Variants in CEBPZOS observed in about 807,000 individuals in gnomAD.
The protein encoded by CEBPZOS is CEBPZ opposite strand.
A neutral mutation model predicts 4.8 loss-of-function variants in CEBPZOS; 10 were observed. The ratio of observed to expected loss-of-function variants is 2.07; its 90% CI spans 1.28 to 3.52. The LOEUF is 3.52. CEBPZOS is among the 30% of genes most tolerant of loss of function. The pLI is 0.00. For synonymous variants in CEBPZOS, 25 were observed against 14.2 expected, an observed-to-expected ratio of 1.77 and a Z score of -1.72; for missense variants, 98 against 43.6, an observed-to-expected ratio of 2.25 and a Z score of -3.51.
chr2:37,213,913 AT>A, downstream of CEBPZOS: 1 of 1,596,454 alleles, frequency 6.3e-7, no homozygotes, highest in Non-Finnish European at 8.5e-7. Flanking sequence ...TACTTTCTTC[AT>A]CTGCATCCCG....
intron 4 of CEBPZOS, chr2:37,212,049 AAC>A: frequency 6.4e-7 from 1 of 1,574,078 alleles, no homozygotes; most frequent in Non-Finnish European, 8.6e-7. Flanking sequence ...TCTGGAAAAA[AAC>A]ACAACTTGTA....
intron 4 of CEBPZOS, among the ~76,000 whole-genome samples, chr2:37,212,973 AGGCTGCAG>A (rs1165187783): frequency 1.3e-5 from 2 of 151,742 alleles, no homozygotes; most frequent in South Asian, 2.1e-4. Context: ...CAGAAGGTCT[AGGCTGCAG>A]GGCTGCAGTG....
At chr2:37,211,089 C>T in intron 4 of CEBPZOS, 1 of 1,597,162 alleles carries the variant, frequency 6.3e-7, no homozygotes. Flanking sequence ...AGTTCTGTTA[C>T]ACGAAAAAAT....
chr2:37,209,517 A>G (rs1172132286), downstream of CEBPZOS: 2 of 152,230 alleles, frequency 1.3e-5, no homozygotes, highest in Non-Finnish European at 2.9e-5. Flanking sequence ...GATCTTTGAC[A>G]AAGTAAACAA....
chr2:37,207,803 C>T (rs1181216300), downstream of CEBPZOS, among the ~76,000 whole-genome samples: 1 of 152,028 alleles, frequency 6.6e-6, no homozygotes, highest in Non-Finnish European at 1.5e-5. Flanking sequence ...TAACAAATAT[C>T]AGAGCAGAAC....
downstream of CEBPZOS, among the ~76,000 whole-genome samples, chr2:37,207,398 T>C (rs916632958): frequency 4.6e-5 from 7 of 152,194 alleles, no homozygotes; most frequent in African/African-American, 1.4e-4. Context: ...GACCATATGG[T>C]AGGCCACAAA....
chr2:37,196,570 C>G (rs1366238216), intron 1 of CEBPZOS, 50 bp downstream of exon 1: 1 of 152,508 alleles, frequency 6.6e-6, no homozygotes, highest in Non-Finnish European at 1.5e-5. Context: ...TTCGGGGTCC[C>G]TAGTGCGACG....
At chr2:37,208,806 GAGAA>G (rs1308854343), downstream of CEBPZOS, 1 of 152,002 alleles carries the variant, frequency 6.6e-6, no homozygotes, top group East Asian at 1.9e-4. Flanking sequence ...AACTGGACAA[GAGAA>G]AGAAAGGGCA....
In CEBPZOS at chr2:37,202,851, C is replaced by T. The variant is rs767949383; in HGVS notation, c.*991C>T. 6.2e-7 allele frequency: 1 copy of T among 1,600,886 alleles called. No individual in the cohort carries two copies. The highest frequency in any genetic ancestry group is 1.1e-5 in the South Asian group (1 of 88,274). The stretch of plus-strand genomic sequence containing the variant: ...CAAACTTGGATCCCATATTTTCATC[C>T]AATAGATGGCCAAACTTTTAAACAA... On this transcript the variant is annotated 3_prime_UTR_variant, in exon 5 of 5. Coordinates refer to ENST00000402297, the MANE Select transcript of CEBPZOS (RefSeq NM_001322374.2).
chr2:37,211,620 A>C (rs751763985), intron 4 of CEBPZOS: 15 of 464,610 alleles, frequency 3.2e-5, no homozygotes, highest in Non-Finnish European at 4.9e-5. Context: ...TGGTTAAAGT[A>C]AAAGTCCAAA....
Position 37,202,916 on chromosome 2 carries a change from T to C in CEBPZOS, c.*1056T>C. 1 of 1,594,066 alleles carries C rather than the reference T, an allele frequency of 6.3e-7. No homozygotes were observed. The highest frequency in any genetic ancestry group is 1.1e-5 in the South Asian group (1 of 88,036). The stretch of plus-strand genomic sequence containing the variant: ...TTAGAAAACTAAAAATAATGTAGAA[T>C]AGCTAGCTTGTTAAAACAGTACATT... On this transcript the variant is annotated 3_prime_UTR_variant, in exon 5 of 5. Coordinates refer to ENST00000402297, the MANE Select transcript of CEBPZOS (RefSeq NM_001322374.2).
At chr2:37,209,056 A>AT (rs1488381899), downstream of CEBPZOS, 22 of 129,598 alleles carry the variant, frequency 1.7e-4, no homozygotes, top group South Asian at 2.4e-4. Flanking sequence ...CCAAAAAAAA[A>AT]AAAAATAATA....
At chr2:37,206,498 T>A (rs1480736879), downstream of CEBPZOS, among the ~76,000 whole-genome samples, 1 of 152,192 alleles carries the variant, frequency 6.6e-6, no homozygotes, top group Non-Finnish European at 1.5e-5. Context: ...GCTGGGATTA[T>A]AGGGGCTTAC....
chr2:37,203,117 G>A lies in CEBPZOS; in HGVS notation c.*1257G>A, dbSNP rs1480836107. On this transcript the variant is annotated 3_prime_UTR_variant, in exon 5 of 5. Coordinates refer to ENST00000402297, the MANE Select transcript of CEBPZOS (RefSeq NM_001322374.2). ...AAATTATACTTGGGTAAAAACAATTGCAATAATCTTCTGGCACCATTGGGT... is the reference window on the plus strand; with the variant it reads ...AAATTATACTTGGGTAAAAACAATTACAATAATCTTCTGGCACCATTGGGT... The A allele has an allele frequency of 3.0e-6, 2 of 666,876 alleles. No homozygotes were observed. The highest frequency in any genetic ancestry group is 3.1e-5 in the East Asian group (1 of 32,606). The allele number at this position is 666,876 out of a possible 1,614,324, so 41.3% of individuals were successfully genotyped here. A position where few individuals can be genotyped will look rare whatever the true frequency, so the allele number is the denominator to read the frequency against.
chr2:37,212,433 A>T (rs765771021), intron 4 of CEBPZOS: 7 of 1,494,494 alleles, frequency 4.7e-6, no homozygotes, highest in South Asian at 4.6e-5. Context: ...ACAAAGAATG[A>T]CAAGCTTGAC....
chr2:37,212,240 C>T (rs1677743928), intron 4 of CEBPZOS: 2 of 1,159,368 alleles, frequency 1.7e-6, no homozygotes, highest in Non-Finnish European at 1.3e-6. Context: ...GACTACATTT[C>T]CCCTTTATCA....
intron 4 of CEBPZOS, chr2:37,209,918 C>T (rs976354282): frequency 2.0e-5 from 3 of 151,978 alleles, no homozygotes; most frequent in African/African-American, 4.8e-5. Context: ...CTATAAGGAA[C>T]TCAAAAAAGT....
downstream of CEBPZOS, among the ~76,000 whole-genome samples, chr2:37,205,553 G>A (rs1677507985): frequency 1.3e-5 from 2 of 152,098 alleles, no homozygotes; most frequent in African/African-American, 4.8e-5. Context: ...TTCGGACTCA[G>A]CCCGCCTGCA....
At position 37,202,644 on chromosome 2, in the gene CEBPZOS, CAAAAAAAAAAAAAAAAAAAAAAAAAAAAA is replaced by C. The variant is rs56340587; in HGVS notation, c.*804_*832del. ...TGGGCAAGGGAGTGAGACGCTGTCT[CAAAAAAAAAAAAAAAAAAAAAAAAAAAAA>C]AAAAAAAAAAAAAAAAAAAGAATAA... On this transcript the variant is annotated 3_prime_UTR_variant, in exon 5 of 5. Transcript: ENST00000402297. 757 of 207,470 alleles carry C rather than the reference CAAAAAAAAAAAAAAAAAAAAAAAAAAAAA, an allele frequency of 3.6e-3. 8 individuals carry two copies. The highest frequency in any genetic ancestry group is 0.017 in the African/African-American group (243 of 14,114). 12.9% of individuals were successfully genotyped at this position (207,470 alleles called of 1,614,324 possible).
Sources: gnomAD v4.1 joint callset for allele counts (sites outside exome capture counted in the v4.1 genomes callset) on GRCh38, gnomAD v4.1.1 for gene constraint, MANE v1.5 for transcripts, NCBI Gene and HGNC (gene_info 2026-07-23, HGNC 2026-07-21) for gene names.